The following UBE3D variants were observed in gnomAD, a reference collection of about 807,000 sequenced individuals.
UBE3D encodes ubiquitin protein ligase E3D.
UBE3D carries 48 observed loss-of-function variants against 49.6 expected under a neutral mutation model. The observed-to-expected ratio is 0.97, with a 90% CI of 0.77 to 1.23. The LOEUF is 1.23. UBE3D is among the 50% of genes most tolerant of loss of function. The probability of loss-of-function intolerance (pLI) is 0.00; values close to 1 mark genes in which losing one functional copy is unlikely to be tolerated. For synonymous variants in UBE3D, 189 were observed against 174.2 expected (o/e 1.08, Z -0.67); for missense variants, 452 against 468.4 (o/e 0.96, Z 0.32).
At chr6:83,029,335 G>C (rs892986727) in intron 5 of UBE3D, among the ~76,000 whole-genome samples, 6 of 152,048 alleles carry the variant, frequency 3.9e-5, no homozygotes, top group Non-Finnish European at 5.9e-5. Context: ...GGATTAATCT[G>C]TAAGTTCAAT....
At chr6:83,058,043 C>A in intron 1 of UBE3D, 21 bp from the exon 2 acceptor site, 3 of 1,611,144 alleles carry the variant, frequency 1.9e-6, no homozygotes, top group Non-Finnish European at 2.5e-6. Flanking sequence ...AAAACAAAAC[C>A]CAAACAAATT....
At chr6:83,010,739 G>T (rs1397329796) in intron 8 of UBE3D, among the ~76,000 whole-genome samples, 2 of 152,192 alleles carry the variant, frequency 1.3e-5, no homozygotes, top group African/African-American at 4.8e-5. Context: ...CAGCATAGGA[G>T]AAGGATGTAG....
chr6:83,065,334 C>G (rs1418805070), intron 1 of UBE3D, among the ~76,000 whole-genome samples: 1 of 152,124 alleles, frequency 6.6e-6, no homozygotes, highest in Non-Finnish European at 1.5e-5. Flanking sequence ...CATCACTGTT[C>G]CTCAAATTTT....
chr6:83,009,862 C>G (rs564734113), intron 8 of UBE3D, among the ~76,000 whole-genome samples: 1 of 148,760 alleles, frequency 6.7e-6, no homozygotes, highest in East Asian at 2.0e-4. Context: ...GAATACTGAG[C>G]GAAAAAAATC....
intron 8 of UBE3D, among the ~76,000 whole-genome samples, chr6:82,975,090 GAT>G (rs945435861): frequency 7.9e-5 from 12 of 151,952 alleles, no homozygotes; most frequent in African/African-American, 2.9e-4. Flanking sequence ...AGTTTAATAA[GAT>G]AAACACACAT....
chr6:82,946,091 A>G (rs1444412871), intron 9 of UBE3D, among the ~76,000 whole-genome samples: 1 of 152,218 alleles, frequency 6.6e-6, no homozygotes, highest in African/African-American at 2.4e-5. Flanking sequence ...AAGTAAGTAC[A>G]TTCAAAGGGA....
intron 8 of UBE3D, among the ~76,000 whole-genome samples, chr6:82,966,001 C>T (rs543763929): frequency 6.6e-6 from 1 of 152,100 alleles, no homozygotes; most frequent in Non-Finnish European, 1.5e-5. Flanking sequence ...ATTTATTACA[C>T]TTTGAAAAAA....
At chr6:83,027,452 A>AAAAAAAAAAAAAAAAAAAAAAAAAAAC (rs1781555972) in intron 5 of UBE3D, among the ~76,000 whole-genome samples, 1 of 147,512 alleles carries the variant, frequency 6.8e-6, no homozygotes, top group Non-Finnish European at 1.5e-5. Context: ...AAAAAAAAAA[A>AAAAAAAAAAAAAAAAAAAAAAAAAAAC]AAAAAAAAAG....
chr6:82,997,894 T>C (rs1779354644), intron 8 of UBE3D, among the ~76,000 whole-genome samples: 1 of 152,180 alleles, frequency 6.6e-6, no homozygotes, highest in Non-Finnish European at 1.5e-5. Context: ...GATTTGAACT[T>C]GACCCTGTGA....
At chr6:82,882,368 C>T in the UBE3D span, among the ~76,000 whole-genome samples, 1 of 152,104 alleles carries the variant, frequency 6.6e-6, no homozygotes, top group Admixed American at 6.6e-5. Flanking sequence ...TGGGAAACCC[C>T]AAACAAATGT....
rs548903691 is a variant in UBE3D, at chr6:83,014,060, A to C, written c.1010+4913T>G. Among the ~76,000 whole-genome samples the C allele has an allele frequency of 5.3e-5, 8 of 152,380 alleles. No individual in the cohort carries two copies. In the South Asian group the frequency reaches 1.7e-3, roughly 32 times the overall value. ...GGAGAAAAAGGCATTTGCCAAATCA[A>C]TGACTGCATACCAAGTACCAGGAGA... On this transcript the variant is annotated intron_variant, in intron 8 of 9. Coordinates refer to ENST00000369747, the MANE Select transcript of UBE3D (RefSeq NM_198920.3).
intron 8 of UBE3D, among the ~76,000 whole-genome samples, chr6:83,008,601 G>T (rs1183093867): frequency 6.6e-6 from 1 of 152,052 alleles, no homozygotes; most frequent in Non-Finnish European, 1.5e-5. Flanking sequence ...CCACTTTTTT[G>T]TGTATGCTCA....
intron 1 of UBE3D, among the ~76,000 whole-genome samples, chr6:83,062,110 C>T (rs915762955): frequency 6.6e-6 from 1 of 152,136 alleles, no homozygotes; most frequent in African/African-American, 2.4e-5. Context: ...CGCCTCTTCT[C>T]TACTGCCACC....
intron 5 of UBE3D, among the ~76,000 whole-genome samples, chr6:83,034,276 C>A (rs1381353681): frequency 6.6e-6 from 1 of 152,074 alleles, no homozygotes; most frequent in Non-Finnish European, 1.5e-5. Context: ...ACTTTTGTAT[C>A]ATACTACAAT....
At position 83,060,059 on chromosome 6, in the gene UBE3D, CA is replaced by C. The variant is rs142457136; in HGVS notation, c.78-2038del. ...CTTCATATAAGGACACTAATCTCAT[CA>C]GGGGGGCCCCGCCCTCAAGAACTCA... On this transcript the variant is annotated intron_variant, in intron 1 of 9. Transcript: ENST00000369747. 1.8e-3 allele frequency among the ~76,000 whole-genome samples: 278 copies of C among 152,286 alleles called. 1 individual carries two copies. Among genetic ancestry groups the C allele is most frequent in the African/African-American group, 6.0e-3 (248 of 41,542 alleles).
intron 8 of UBE3D, among the ~76,000 whole-genome samples, chr6:83,006,075 A>G (rs1450488725): frequency 6.6e-6 from 1 of 152,102 alleles, no homozygotes; most frequent in Admixed American, 6.5e-5. Context: ...AAATACAAAA[A>G]TTAGCCAGGC....
intron 9 of UBE3D, among the ~76,000 whole-genome samples, chr6:82,903,706 A>G (rs138258593): frequency 0.01 from 1,527 of 152,294 alleles, 11 homozygotes; most frequent in South Asian, 0.018. Context: ...ATAGCCATTT[A>G]AGAATAAATA....
At chr6:82,884,780 G>A in the UBE3D span, among the ~76,000 whole-genome samples, 3 of 152,190 alleles carry the variant, frequency 2.0e-5, no homozygotes, top group Non-Finnish European at 4.4e-5. Context: ...GGGGAAATAC[G>A]AATGGAAGGG....
intron 8 of UBE3D, among the ~76,000 whole-genome samples, chr6:82,967,574 G>A (rs1777039605): frequency 6.6e-6 from 1 of 152,020 alleles, no homozygotes; most frequent in Non-Finnish European, 1.5e-5. Context: ...ATAATATGTA[G>A]TCTTTTTTTA....
Sources: allele counts gnomAD v4.1 joint callset (sites outside exome capture counted in the v4.1 genomes callset), GRCh38; gene constraint gnomAD v4.1.1; transcripts MANE v1.5; gene names NCBI Gene and HGNC (gene_info 2026-07-23, HGNC 2026-07-21).